CELF2: variants seen among roughly 807,000 people sequenced by gnomAD.
CELF2 encodes the protein CUG triplet repeat RNA-binding protein 2.
Under a neutral mutation model 62.6 loss-of-function variants are expected in CELF2, and 8 were observed. That is an observed-to-expected ratio of 0.13 (90% CI 0.07 to 0.23). CELF2 has a LOEUF of 0.23. Ranked by LOEUF, CELF2 falls within the 10% of genes least tolerant of loss-of-function variation. The pLI, the probability that CELF2 is intolerant of heterozygous loss-of-function variation, is 1.00. For missense variants in CELF2, 333 were observed against 671.0 expected (o/e 0.50, Z 5.56); for synonymous variants, 258 against 250.0 (o/e 1.03, Z -0.30).
upstream of CELF2, among the ~76,000 whole-genome samples, chr10:11,002,129 A>T: frequency 6.6e-6 from 1 of 152,336 alleles, no homozygotes; most frequent in South Asian, 2.1e-4. The surrounding 1 kb of genome is among the most constrained non-coding windows in gnomAD (Gnocchi z 4.4). Context: ...GACAGGCCTC[A>T]CAATCATGGC....
chr10:11,108,707 C>G (rs944047625), intron 1 of CELF2, among the ~76,000 whole-genome samples: 1 of 152,206 alleles, frequency 6.6e-6, no homozygotes, highest in Non-Finnish European at 1.5e-5. Flanking sequence ...TGTTTCCCCA[C>G]GTCTCCACTT....
chr10:10,470,001 G>A, the CELF2 span, among the ~76,000 whole-genome samples: 1 of 151,824 alleles, frequency 6.6e-6, no homozygotes, highest in African/African-American at 2.4e-5. Flanking sequence ...CACCCAACAT[G>A]ATGCTCAAAG....
At chr10:11,239,506 A>G (rs923547652) in intron 3 of CELF2, among the ~76,000 whole-genome samples, 2 of 152,180 alleles carry the variant, frequency 1.3e-5, no homozygotes, top group African/African-American at 4.8e-5. Context: ...ATACTTTGCA[A>G]AATAATAATG....
chr10:10,504,994 T>C, the CELF2 span, among the ~76,000 whole-genome samples: 61 of 152,324 alleles, frequency 4.0e-4, no homozygotes, highest in African/African-American at 1.4e-3. Flanking sequence ...TTTTAAAACC[T>C]TTGTCAGATA....
chr10:11,073,532 T>G (rs1025453465), intron 1 of CELF2, among the ~76,000 whole-genome samples: 5 of 152,224 alleles, frequency 3.3e-5, no homozygotes, highest in Non-Finnish European at 5.9e-5. Flanking sequence ...CTTGTGATAG[T>G]TATAAAAATA....
the CELF2 span, among the ~76,000 whole-genome samples, chr10:10,529,300 G>A: frequency 6.6e-6 from 1 of 152,130 alleles, no homozygotes; most frequent in South Asian, 2.1e-4. Context: ...CAGCAGGAAG[G>A]AATGAGAAAA....
chr10:11,254,278 A>G (rs548806673), intron 4 of CELF2, among the ~76,000 whole-genome samples: 14 of 152,376 alleles, frequency 9.2e-5, no homozygotes, highest in Admixed American at 6.5e-4. Flanking sequence ...ACACAGCCCA[A>G]CTGTTGAAAC....
chr10:10,915,300 C>G (rs2064224740), intron 1 of CELF2, among the ~76,000 whole-genome samples: 2 of 152,100 alleles, frequency 1.3e-5, no homozygotes, highest in African/African-American at 4.8e-5. Context: ...GAATTACCAG[C>G]CAGTAGAAAA....
chr10:10,888,736 T>C (rs2061935563), intron 1 of CELF2, among the ~76,000 whole-genome samples: 2 of 152,188 alleles, frequency 1.3e-5, no homozygotes. Flanking sequence ...TCTAGTAACC[T>C]CGGGCTTGCC....
intron 1 of CELF2, among the ~76,000 whole-genome samples, chr10:11,062,154 GA>G (rs149881609): frequency 0.093 from 14,017 of 151,314 alleles, 815 homozygotes; most frequent in East Asian, 0.26. Context: ...CTCAGGGGGG[GA>G]AAAAAAAATT....
chr10:10,697,535 A>G, the CELF2 span, among the ~76,000 whole-genome samples: 6 of 152,296 alleles, frequency 3.9e-5, no homozygotes, highest in South Asian at 1.0e-3. Context: ...CAATCAAGAA[A>G]TTGACTTCTC....
At chr10:10,922,205 C>A (rs2064988990) in intron 2 of CELF2, among the ~76,000 whole-genome samples, 1 of 152,192 alleles carries the variant, frequency 6.6e-6, no homozygotes, top group South Asian at 2.1e-4. Flanking sequence ...ACATTTCCAT[C>A]ATGTGCCAGT....
At chr10:11,114,998 G>C (rs1239424267) in intron 1 of CELF2, among the ~76,000 whole-genome samples, 1 of 152,060 alleles carries the variant, frequency 6.6e-6, no homozygotes, top group Admixed American at 6.5e-5. Context: ...CACACAGTAG[G>C]GCCTCAATAA....
intron 1 of CELF2, among the ~76,000 whole-genome samples, chr10:10,834,348 T>C (rs1009602359): frequency 2.0e-5 from 3 of 151,718 alleles, no homozygotes; most frequent in African/African-American, 4.8e-5. Context: ...TCAGGAAAAA[T>C]AACTAATGGG....
At chr10:10,471,273 T>C in the CELF2 span, among the ~76,000 whole-genome samples, 1 of 151,740 alleles carries the variant, frequency 6.6e-6, no homozygotes, top group Non-Finnish European at 1.5e-5. Flanking sequence ...ATGATCCATT[T>C]TCCTACTGTT....
the CELF2 span, among the ~76,000 whole-genome samples, chr10:10,622,464 A>ATG: frequency 0.076 from 11,513 of 150,898 alleles, 589 homozygotes; most frequent in African/African-American, 0.15. Flanking sequence ...ATACATACGT[A>ATG]TGTGTGTGTG....
At chr10:10,666,666 T>C in the CELF2 span, among the ~76,000 whole-genome samples, 16 of 78,478 alleles carry the variant, frequency 2.0e-4, 4 homozygotes, top group Non-Finnish European at 4.0e-4. Context: ...ATCGAGACCA[T>C]TCTGGCTAAC....
rs2076030751 is a variant in CELF2, at chr10:11,247,695, T to A, written c.355-1458T>A. ...CCAGTTTTTGGCCTAGAGACTGACA[T>A]AGGGTACCTGTTTGCTCCATACCTG... On this transcript the variant is annotated intron_variant, in intron 3 of 12. Transcript: ENST00000633077. This position sits in a 1 kb window ranked among gnomAD's most constrained non-coding sequence, Gnocchi z 5.4. Among the ~76,000 whole-genome samples the A allele has an allele frequency of 6.6e-6, 1 of 152,008 alleles. No individual in the cohort carries two copies. Among genetic ancestry groups the A allele is most frequent in the African/African-American group, 2.4e-5 (1 of 41,400 alleles).
At position 11,211,809 on chromosome 10, in the gene CELF2, AGAGAGT is replaced by A. The variant is rs138821391; in HGVS notation, c.272-5614_272-5609del. On this transcript the variant is annotated intron_variant, in intron 2 of 12. Transcript: ENST00000633077. The surrounding 1 kb of genome is among the most constrained non-coding windows in gnomAD (Gnocchi z 4.8). ...ATGTGTGTGAGAGAGAGAGAGAGAG[AGAGAGT>A]GTGTGTGTGTGTGTGTGTGTGTGTG... is the stretch of plus-strand genomic sequence containing the variant. Among the ~76,000 whole-genome samples, 33,976 of 127,984 alleles carry A rather than the reference AGAGAGT, an allele frequency of 0.27. 3,912 individuals are homozygous for A. Among genetic ancestry groups the A allele is most frequent in the Middle Eastern group, 0.31 (78 of 248 alleles). The allele number at this position is 127,984 out of a possible 152,430, so 84.0% of individuals were successfully genotyped here.
Sources: allele counts gnomAD v4.1 joint callset (sites outside exome capture counted in the v4.1 genomes callset), GRCh38; gene constraint gnomAD v4.1.1; non-coding constraint Gnocchi (gnomAD v3.1); transcripts MANE v1.5; gene names NCBI Gene and HGNC (gene_info 2026-07-23, HGNC 2026-07-21).